Variants in ADGRL4 observed in about 807,000 individuals in gnomAD.
ADGRL4 encodes adhesion G protein-coupled receptor L4.
A neutral mutation model predicts 74.8 loss-of-function variants in ADGRL4; 90 were observed. That is an observed-to-expected ratio of 1.20 (90% CI 1.02 to 1.43). ADGRL4 has a LOEUF of 1.43. Among genes scored for constraint, ADGRL4 ranks in the 40% most tolerant of loss-of-function variants. ADGRL4 has a pLI of 0.00. For synonymous variants in ADGRL4, 311 were observed against 279.2 expected, an observed-to-expected ratio of 1.11 and a Z score of -1.14; for missense variants, 881 against 814.3, an observed-to-expected ratio of 1.08 and a Z score of -1.00.
At chr1:78,984,000 A>G (rs1375846246) in intron 2 of ADGRL4, among the ~76,000 whole-genome samples, 1 of 151,838 alleles carries the variant, frequency 6.6e-6, no homozygotes, top group Non-Finnish European at 1.5e-5. Flanking sequence ...TGAACTCAGA[A>G]GGAAAGAAAG....
intron 12 of ADGRL4, among the ~76,000 whole-genome samples, chr1:78,914,935 A>G (rs1648838900): frequency 6.6e-6 from 1 of 151,890 alleles, no homozygotes; most frequent in Non-Finnish European, 1.5e-5. Context: ...CTTAAGAGAC[A>G]GTCTTCACTT....
intron 2 of ADGRL4, among the ~76,000 whole-genome samples, chr1:79,003,429 C>A: frequency 6.6e-6 from 1 of 150,590 alleles, no homozygotes; most frequent in South Asian, 2.1e-4. Flanking sequence ...TTAACATGAA[C>A]CTAAGAAAGA....
chr1:78,946,256 T>G lies in ADGRL4; in HGVS notation c.325+18A>C, dbSNP rs892746853. 79 of 1,585,260 alleles carry G rather than the reference T, an allele frequency of 5.0e-5. No individual in the cohort carries two copies. Among genetic ancestry groups the G allele is most frequent in the Non-Finnish European group, 6.2e-5 (72 of 1,169,084 alleles). ...ATAAGAGATATATACAAATTCTAAC[T>G]TAGATAACCGAACTTACCTATACAG... is the stretch of plus-strand genomic sequence containing the variant. On this transcript the variant is annotated intron_variant, in intron 3 of 14. Transcript: ENST00000370742.
At chr1:78,984,394 A>T (rs1650454239) in intron 2 of ADGRL4, among the ~76,000 whole-genome samples, 1 of 151,780 alleles carries the variant, frequency 6.6e-6, no homozygotes, top group Admixed American at 6.6e-5. Context: ...CTAAAAGGAA[A>T]GAGATGGAAA....
At chr1:78,911,654 A>C (rs765136677) in intron 12 of ADGRL4, among the ~76,000 whole-genome samples, 1 of 151,754 alleles carries the variant, frequency 6.6e-6, no homozygotes, top group Non-Finnish European at 1.5e-5. Flanking sequence ...AGTTGGCTAC[A>C]CATACATTCC....
At chr1:78,940,730 T>C (rs1649458026) in intron 3 of ADGRL4, among the ~76,000 whole-genome samples, 1 of 152,242 alleles carries the variant, frequency 6.6e-6, no homozygotes. Flanking sequence ...GGCATAATAC[T>C]GTTTGCTGTA....
At chr1:78,968,520 G>A in intron 2 of ADGRL4, among the ~76,000 whole-genome samples, 2 of 113,770 alleles carry the variant, frequency 1.8e-5, no homozygotes, top group Non-Finnish European at 1.9e-5. Flanking sequence ...GTGGGGGGGA[G>A]ACGGGGGTCG....
intron 7 of ADGRL4, among the ~76,000 whole-genome samples, chr1:78,931,611 C>T (rs983085798): frequency 6.6e-6 from 1 of 151,230 alleles, no homozygotes. Context: ...AGGCTAAATG[C>T]CCTAATTTAA....
At chr1:78,953,114 C>T (rs1049305513) in intron 2 of ADGRL4, among the ~76,000 whole-genome samples, 2 of 151,998 alleles carry the variant, frequency 1.3e-5, no homozygotes, top group Non-Finnish European at 2.9e-5. Context: ...TGAAATGAAA[C>T]AATCTTATGT....
At chr1:78,969,814 A>G (rs1186628569) in intron 2 of ADGRL4, among the ~76,000 whole-genome samples, 1 of 151,934 alleles carries the variant, frequency 6.6e-6, no homozygotes, top group Admixed American at 6.6e-5. Context: ...CCTACATTTT[A>G]GAGTAACCCT....
intron 10 of ADGRL4, 142 bp downstream of exon 10, chr1:78,920,041 T>G: frequency 1.5e-6 from 1 of 646,022 alleles, no homozygotes; most frequent in Non-Finnish European, 2.5e-6. Context: ...ATTATCAAAC[T>G]TAGAAAGGAT....
intron 2 of ADGRL4, among the ~76,000 whole-genome samples, chr1:78,976,618 G>A (rs1006362302): frequency 6.6e-6 from 1 of 151,256 alleles, no homozygotes; most frequent in Non-Finnish European, 1.5e-5. Flanking sequence ...GATTGTGTAT[G>A]GAAAAACTTA....
intron 1 of ADGRL4, among the ~76,000 whole-genome samples, chr1:79,006,382 G>A (rs943697404): frequency 2.6e-5 from 4 of 152,168 alleles, no homozygotes; most frequent in Non-Finnish European, 5.9e-5. Flanking sequence ...CAGAACAGAA[G>A]AAAGGTGAAA....
At chr1:78,950,106 T>C (rs138598628) in intron 2 of ADGRL4, among the ~76,000 whole-genome samples, 176 of 152,250 alleles carry the variant, frequency 1.2e-3, no homozygotes, top group African/African-American at 4.1e-3. Flanking sequence ...AGAAAATGGC[T>C]TCCTTAGGTC....
chr1:78,939,917 T>C, intron 3 of ADGRL4: 1 of 152,556 alleles, frequency 6.6e-6, no homozygotes, highest in East Asian at 1.9e-4. Flanking sequence ...GCAAGAGAAA[T>C]ACTATCATTT....
intron 2 of ADGRL4, among the ~76,000 whole-genome samples, chr1:78,988,697 TC>T (rs1030359691): frequency 4.4e-4 from 67 of 151,910 alleles, no homozygotes; most frequent in African/African-American, 1.5e-3. Flanking sequence ...GCATTGAAAA[TC>T]CTAAGTGATG....
At chr1:78,935,482 T>G (rs1649333004) in intron 7 of ADGRL4, among the ~76,000 whole-genome samples, 1 of 151,456 alleles carries the variant, frequency 6.6e-6, no homozygotes. Context: ...CGTATAACTG[T>G]GTAACAAACC....
At chr1:78,918,582 A>G (rs1447993234) in intron 10 of ADGRL4, among the ~76,000 whole-genome samples, 2 of 152,060 alleles carry the variant, frequency 1.3e-5, no homozygotes, top group Admixed American at 6.6e-5. Flanking sequence ...TAAGATTATC[A>G]TGTAAATTTG....
intron 2 of ADGRL4, among the ~76,000 whole-genome samples, chr1:78,963,763 G>T (rs925825757): frequency 2.6e-5 from 4 of 152,026 alleles, no homozygotes; most frequent in African/African-American, 9.7e-5. Context: ...AAGGCCCCAA[G>T]AAATAACTAA....
Sources: allele counts gnomAD v4.1 joint callset (sites outside exome capture counted in the v4.1 genomes callset), GRCh38; gene constraint gnomAD v4.1.1; transcripts MANE v1.5; gene names NCBI Gene and HGNC (gene_info 2026-07-23, HGNC 2026-07-21).